The following BAIAP2 variants were observed in gnomAD, a reference collection of about 807,000 sequenced individuals.
The protein encoded by BAIAP2 is BAR/IMD domain-containing adapter protein 2.
In BAIAP2, 18 loss-of-function variants were observed where a neutral mutation model predicts 63.0. The observed-to-expected ratio is 0.29, with a 90% CI of 0.20 to 0.42. The LOEUF (loss-of-function observed/expected upper bound fraction) is 0.42, where lower values mean the gene tolerates loss of function less well. Among genes scored for constraint, BAIAP2 ranks in the 10% least tolerant of loss-of-function variants. The probability of loss-of-function intolerance (pLI) is 1.00; values close to 1 mark genes in which losing one functional copy is unlikely to be tolerated. For missense variants in BAIAP2, 610 were observed against 734.3 expected (o/e 0.83, Z 1.96); for synonymous variants, 386 against 307.6 (o/e 1.25, Z -2.67).
intron 1 of BAIAP2, among the ~76,000 whole-genome samples, chr17:81,041,801 A>C (rs902669141): frequency 6.6e-6 from 1 of 151,970 alleles, no homozygotes; most frequent in Non-Finnish European, 1.5e-5. Flanking sequence ...CGAACTCCCA[A>C]CCTCAGGTGA....
chr17:81,091,974 C>T (rs941269807), intron 6 of BAIAP2, among the ~76,000 whole-genome samples: 2 of 152,244 alleles, frequency 1.3e-5, no homozygotes, highest in Admixed American at 6.5e-5. Flanking sequence ...ACGGGCTGGA[C>T]GGGCGCCCCC....
At chr17:81,063,915 G>A (rs1295306110) in intron 3 of BAIAP2, 2 of 151,870 alleles carry the variant, frequency 1.3e-5, no homozygotes, top group Admixed American at 1.3e-4. Flanking sequence ...CCCCTCCCAG[G>A]AAGGCAGAGC....
At chr17:81,059,034 C>T (rs973019069) in intron 3 of BAIAP2, among the ~76,000 whole-genome samples, 3 of 152,184 alleles carry the variant, frequency 2.0e-5, no homozygotes, top group African/African-American at 4.8e-5. Flanking sequence ...CTGTCCAGGC[C>T]CCGTTCTCTC....
chr17:81,060,107 G>A (rs2050288902), intron 3 of BAIAP2, among the ~76,000 whole-genome samples: 1 of 152,216 alleles, frequency 6.6e-6, no homozygotes, highest in African/African-American at 2.4e-5. Flanking sequence ...GCCCCGCTGT[G>A]TGCATCTGCA....
At chr17:81,100,510 A>C (rs762561182) in intron 7 of BAIAP2, among the ~76,000 whole-genome samples, 1 of 151,930 alleles carries the variant, frequency 6.6e-6, no homozygotes, top group African/African-American at 2.4e-5. Flanking sequence ...CTCTATCCAC[A>C]GTCCTGGGGT....
intron 1 of BAIAP2, among the ~76,000 whole-genome samples, chr17:81,052,718 T>TGGGAGA (rs946846669): frequency 6.7e-6 from 1 of 149,970 alleles, no homozygotes; most frequent in Non-Finnish European, 1.5e-5. Context: ...GGCCAGGTGC[T>TGGGAGA]GGGAGAGGGG....
intron 6 of BAIAP2, among the ~76,000 whole-genome samples, chr17:81,089,802 T>C (rs1179589796): frequency 6.6e-6 from 1 of 152,074 alleles, no homozygotes; most frequent in South Asian, 2.1e-4. Flanking sequence ...GCGGGGACCA[T>C]GTGGGCGGAG....
chr17:81,113,413 T>G (rs2060136890), intron 13 of BAIAP2, among the ~76,000 whole-genome samples: 1 of 152,226 alleles, frequency 6.6e-6, no homozygotes, highest in African/African-American at 2.4e-5. Context: ...TGCAGTGGCC[T>G]TGGGCTGCAG....
intron 1 of BAIAP2, among the ~76,000 whole-genome samples, chr17:81,045,216 C>A (rs2047639377): frequency 6.6e-6 from 1 of 152,160 alleles, no homozygotes; most frequent in Admixed American, 6.5e-5. Flanking sequence ...TTGAGGACGC[C>A]AGGGGAAAGC....
chr17:81,085,835 C>T (rs944661277), intron 5 of BAIAP2, 110 bp downstream of exon 5: 14 of 814,312 alleles, frequency 1.7e-5, no homozygotes, highest in East Asian at 1.5e-4. Flanking sequence ...CCGAGCTCCC[C>T]GTCCACATGG....
At chr17:81,112,303 C>T (rs1453396681) in intron 13 of BAIAP2, among the ~76,000 whole-genome samples, 1 of 152,240 alleles carries the variant, frequency 6.6e-6, no homozygotes, top group East Asian at 1.9e-4. Context: ...CCCTGGGTAG[C>T]AGTGCCGGTG....
rs1254697293 is a variant in BAIAP2, at chr17:81,116,030, C to T, written c.*191C>T. On this transcript the variant is annotated 3_prime_UTR_variant, in exon 14 of 14. Coordinates refer to ENST00000428708, the MANE Select transcript of BAIAP2 (RefSeq NM_001144888.2). ...GGGCCGGGCAGAGTGGGGCGCAGGC[C>T]CCTGAAGGGCGAGACCCAGTGGCTG... 4 of 1,458,270 alleles carry T rather than the reference C, an allele frequency of 2.7e-6. No individual in the cohort carries two copies. In the South Asian group the frequency reaches 5.6e-5, roughly 20 times the overall value. 90.3% of individuals were successfully genotyped at this position (1,458,270 alleles called of 1,614,324 possible). A position where few individuals can be genotyped will look rare whatever the true frequency, so the allele number is the denominator to read the frequency against.
At position 81,086,570 on chromosome 17, in the gene BAIAP2, A is replaced by G. The variant is rs1447305591; in HGVS notation, c.479A>G (p.Lys160Arg). 2 of 1,613,240 alleles carry G rather than the reference A, an allele frequency of 1.2e-6. No individual in the cohort carries two copies. The highest frequency in any genetic ancestry group is 1.1e-5 in the South Asian group (1 of 91,064). The change falls in exon 6 of 14, where the codon AAG becomes AGG. Residue 160 changes from lysine to arginine, a missense_variant. Around this residue, in one of 5 missense-constraint regions of BAIAP2, gnomAD observed 389 missense variants for 455.6 expected, o/e 0.85. Coordinates refer to ENST00000428708, the MANE Select transcript of BAIAP2 (RefSeq NM_001144888.2). ...GSKNPQKYSD[K>R]ELQYIDAISN... ...AAGAATCCTCAGAAGTACTCGGACAAGGAGCTGCAGGTAGGCCCGCCACCC... is the reference window on the plus strand; with the variant it reads ...AAGAATCCTCAGAAGTACTCGGACAGGGAGCTGCAGGTAGGCCCGCCACCC...
intron 13 of BAIAP2, chr17:81,110,203 T>C (rs1237726077): frequency 2.4e-5 from 24 of 985,572 alleles, no homozygotes; most frequent in Non-Finnish European, 2.9e-5. Context: ...CCCCGTGGCC[T>C]GGGACGTGGC....
chr17:81,050,719 GCACACAAATGTGCACATGCACACGTGGA>G (rs2048532678), intron 1 of BAIAP2, among the ~76,000 whole-genome samples: 1 of 80,986 alleles, frequency 1.2e-5, no homozygotes, highest in Non-Finnish European at 3.2e-5. Context: ...GCACACACAC[GCACACAAATGTGCACATGCACACGTGGA>G]CACACATGCA....
chr17:81,063,439 G>A (rs899018283), intron 3 of BAIAP2, among the ~76,000 whole-genome samples: 1 of 152,222 alleles, frequency 6.6e-6, no homozygotes, highest in Non-Finnish European at 1.5e-5. Flanking sequence ...GAGCAGTTGA[G>A]TTACCCCTGG....
chr17:81,040,664 C>T (rs2046955987), intron 1 of BAIAP2, among the ~76,000 whole-genome samples: 1 of 152,250 alleles, frequency 6.6e-6, no homozygotes, highest in African/African-American at 2.4e-5. Flanking sequence ...ATCACTGTCC[C>T]GCCTTTGCTG....
intron 3 of BAIAP2, among the ~76,000 whole-genome samples, chr17:81,062,647 C>T (rs1274820926): frequency 5.9e-5 from 9 of 151,370 alleles, no homozygotes; most frequent in African/African-American, 1.7e-4. Flanking sequence ...TTTACTGTTC[C>T]TGTATTACTC....
At chr17:81,079,275 G>A (rs1365034465) in intron 3 of BAIAP2, among the ~76,000 whole-genome samples, 1 of 152,174 alleles carries the variant, frequency 6.6e-6, no homozygotes, top group East Asian at 1.9e-4. Flanking sequence ...AGGAGGCTGG[G>A]CTCCCTGGTC....
Sources: gnomAD v4.1 joint callset for allele counts (sites outside exome capture counted in the v4.1 genomes callset) on GRCh38, gnomAD v4.1.1 for gene constraint, gnomAD v4.1.1 regional missense constraint, MANE v1.5 for transcripts, NCBI Gene and HGNC (gene_info 2026-07-23, HGNC 2026-07-21) for gene names.